Variants in ZFHX3 observed in about 807,000 individuals in gnomAD.
ZFHX3 encodes zinc finger homeobox protein 3.
In ZFHX3, 42 loss-of-function variants were observed where a neutral mutation model predicts 279.1. That is an observed-to-expected ratio of 0.15 (90% CI 0.12 to 0.19). The LOEUF (loss-of-function observed/expected upper bound fraction) is 0.19, where lower values mean the gene tolerates loss of function less well. Among genes scored for constraint, ZFHX3 ranks in the 10% least tolerant of loss-of-function variants. The pLI is 1.00. For missense variants in ZFHX3, 4,981 were observed against 4,754.0 expected, an observed-to-expected ratio of 1.05 and a Z score of -1.40; for synonymous variants, 2,293 against 1,957.8, an observed-to-expected ratio of 1.17 and a Z score of -4.52.
chr16:73,251,953 C>T (rs1003530156), intron 5 of ZFHX3, among the ~76,000 whole-genome samples: 2 of 150,652 alleles, frequency 1.3e-5, no homozygotes, highest in Non-Finnish European at 3.0e-5. Context: ...ACCACACACA[C>T]GCACACACCA....
intron 8 of ZFHX3, among the ~76,000 whole-genome samples, chr16:73,088,562 A>G (rs1377582734): frequency 6.6e-6 from 1 of 152,220 alleles, no homozygotes; most frequent in Non-Finnish European, 1.5e-5. Flanking sequence ...CTAGGTATGG[A>G]TAAGAACAAA....
intron 1 of ZFHX3, among the ~76,000 whole-genome samples, chr16:72,969,761 C>T (rs939286783): frequency 6.6e-6 from 1 of 152,188 alleles, no homozygotes; most frequent in Admixed American, 6.5e-5. Flanking sequence ...TACCCAGTTC[C>T]CTTCTGTGTT....
At chr16:73,236,090 G>C (rs2012939584) in intron 5 of ZFHX3, among the ~76,000 whole-genome samples, 1 of 152,228 alleles carries the variant, frequency 6.6e-6, no homozygotes, top group Non-Finnish European at 1.5e-5. Flanking sequence ...CCTAGAACAG[G>C]TGTTTTGGCT....
intron 1 of ZFHX3, among the ~76,000 whole-genome samples, chr16:73,697,959 A>G (rs910533003): frequency 6.6e-6 from 1 of 152,212 alleles, no homozygotes; most frequent in Non-Finnish European, 1.5e-5. Flanking sequence ...TTATCCAATG[A>G]AAGGAACCAG....
chr16:73,186,924 T>C (rs1967923444), intron 5 of ZFHX3, among the ~76,000 whole-genome samples: 1 of 152,172 alleles, frequency 6.6e-6, no homozygotes, highest in Admixed American at 6.5e-5. Context: ...TAAAAATATG[T>C]ACAGATACTA....
At chr16:73,780,755 A>G (rs1392015035) in intron 1 of ZFHX3, among the ~76,000 whole-genome samples, 1 of 152,174 alleles carries the variant, frequency 6.6e-6, no homozygotes, top group East Asian at 1.9e-4. Flanking sequence ...TTGCAGTTGA[A>G]TTCTGATGCA....
At chr16:73,719,833 G>T (rs1397656639) in intron 1 of ZFHX3, among the ~76,000 whole-genome samples, 1 of 148,122 alleles carries the variant, frequency 6.8e-6, no homozygotes, top group Non-Finnish European at 1.5e-5. Flanking sequence ...GGGTTTCTCC[G>T]TGTTGGTCAG....
At chr16:73,491,965 T>C (rs752099148) in intron 2 of ZFHX3, among the ~76,000 whole-genome samples, 13 of 152,314 alleles carry the variant, frequency 8.5e-5, no homozygotes, top group Middle Eastern at 3.4e-3. Context: ...ATCTTGCCCA[T>C]TGAGTGCTTT....
chr16:73,498,372 G>A (rs745401352), intron 2 of ZFHX3, among the ~76,000 whole-genome samples: 4 of 152,186 alleles, frequency 2.6e-5, no homozygotes, highest in Non-Finnish European at 4.4e-5. Context: ...AGTTGGTTCC[G>A]TGAGTGTGCG....
intron 4 of ZFHX3, among the ~76,000 whole-genome samples, chr16:72,874,198 ATT>A (rs565664402): frequency 6.3e-5 from 6 of 95,138 alleles, no homozygotes; most frequent in Admixed American, 1.3e-4. Context: ...GGATTTTTTG[ATT>A]TTTTTTTTTT....
chr16:73,576,958 G>A (rs2051806368), intron 2 of ZFHX3, among the ~76,000 whole-genome samples: 2 of 152,234 alleles, frequency 1.3e-5, no homozygotes, highest in Admixed American at 6.5e-5. Context: ...CAATCCATGG[G>A]ATCTTTTAGT....
intron 1 of ZFHX3, among the ~76,000 whole-genome samples, chr16:73,693,149 G>A (rs2053164933): frequency 6.6e-6 from 1 of 152,116 alleles, no homozygotes; most frequent in African/African-American, 2.4e-5. Flanking sequence ...AGGACAGAGA[G>A]CCCTTGGGCT....
At chr16:73,342,310 A>T (rs1406626623) in intron 3 of ZFHX3, among the ~76,000 whole-genome samples, 1 of 152,232 alleles carries the variant, frequency 6.6e-6, no homozygotes, top group Non-Finnish European at 1.5e-5. Flanking sequence ...TGTCACGTTT[A>T]GGAATTCACC....
In ZFHX3 at chr16:73,816,680, C is replaced by A. The variant is rs376822101; in HGVS notation, c.-1608+74971G>T. On this transcript the variant is annotated intron_variant, in intron 1 of 17. Coordinates refer to the ZFHX3 transcript ENST00000641206. ...GCTGAATCTCAGGCAGGGGTACGGA[C>A]TGAATAGGCAAAGTAGCTTTCCAAA... Among the ~76,000 whole-genome samples the A allele has an allele frequency of 1.6e-4, 25 of 152,198 alleles. No individual in the cohort carries two copies. In the South Asian group the frequency reaches 4.6e-3, roughly 28 times the overall value.
At chr16:72,991,174 T>C (rs1222997603) in intron 1 of ZFHX3, among the ~76,000 whole-genome samples, 2 of 152,192 alleles carry the variant, frequency 1.3e-5, no homozygotes, top group African/African-American at 4.8e-5. Context: ...GGAGAGACCA[T>C]ATTCCCATAA....
At chr16:73,536,245 G>A (rs920614745) in intron 2 of ZFHX3, among the ~76,000 whole-genome samples, 5 of 152,138 alleles carry the variant, frequency 3.3e-5, no homozygotes, top group African/African-American at 1.2e-4. Context: ...ATTTATGTAA[G>A]TCTAAAACAT....
chr16:73,663,453 C>T (rs899057052), intron 2 of ZFHX3, among the ~76,000 whole-genome samples: 3 of 152,204 alleles, frequency 2.0e-5, no homozygotes, highest in Admixed American at 6.5e-5. Flanking sequence ...ATGTGGAGCA[C>T]AAAGATCTAG....
intron 3 of ZFHX3, chr16:73,388,738 C>T (rs2143390491): frequency 6.6e-6 from 1 of 152,394 alleles, no homozygotes; most frequent in Middle Eastern, 3.4e-3. Flanking sequence ...CTGTGACAAC[C>T]AGCCAATCCG....
Position 73,147,394 on chromosome 16 carries a change from T to C in ZFHX3, c.-1103-3563A>G, listed in dbSNP as rs1412692954. Among the ~76,000 whole-genome samples the C allele has an allele frequency of 1.3e-5, 2 of 151,364 alleles. 1 individual carries two copies. Among genetic ancestry groups the C allele is most frequent in the Middle Eastern group, 6.3e-3 (2 of 316 alleles). ...CTGCGTCTCTACTGAAAAATAAAAA[T>C]AAGAATAAAAAAATTGGGCCGGGCG... On this transcript the variant is annotated intron_variant, in intron 5 of 17. Coordinates refer to the ZFHX3 transcript ENST00000641206.
Sources: allele counts gnomAD v4.1 joint callset (sites outside exome capture counted in the v4.1 genomes callset), GRCh38; gene constraint gnomAD v4.1.1; transcripts MANE v1.5; gene names NCBI Gene and HGNC (gene_info 2026-07-23, HGNC 2026-07-21).